CCDC178: variants seen among roughly 807,000 people sequenced by gnomAD.
CCDC178 encodes the protein coiled-coil domain containing 178.
In CCDC178, 126 loss-of-function variants were observed where a neutral mutation model predicts 117.4. The observed-to-expected ratio is 1.07, with a 90% CI of 0.93 to 1.24. The LOEUF is 1.24. Among genes scored for constraint, CCDC178 ranks in the 50% most tolerant of loss-of-function variants. CCDC178 has a pLI of 0.00. For missense variants in CCDC178, 1,030 were observed against 986.9 expected (o/e 1.04, Z -0.59); for synonymous variants, 283 against 313.4 (o/e 0.90, Z 1.02).
At chr18:33,223,984 A>G (rs2144628022) in intron 17 of CCDC178, among the ~76,000 whole-genome samples, 1 of 152,334 alleles carries the variant, frequency 6.6e-6, no homozygotes, top group East Asian at 1.9e-4. Flanking sequence ...CTTTGATACC[A>G]GTAAACTCCC....
chr18:33,016,823 A>G (rs9952603), intron 21 of CCDC178, among the ~76,000 whole-genome samples: 2,102 of 152,114 alleles, frequency 0.014, 55 homozygotes, highest in African/African-American at 0.047. Context: ...CTTAACATAG[A>G]GAATGAAGCA....
At chr18:33,200,155 A>C (rs1028261097) in intron 20 of CCDC178, among the ~76,000 whole-genome samples, 2 of 152,190 alleles carry the variant, frequency 1.3e-5, no homozygotes, top group Admixed American at 1.3e-4. Context: ...AACTTATTAC[A>C]TGTAATCAAT....
At chr18:33,017,564 A>G (rs2056017956) in intron 21 of CCDC178, among the ~76,000 whole-genome samples, 1 of 152,004 alleles carries the variant, frequency 6.6e-6, no homozygotes, top group Non-Finnish European at 1.5e-5. Flanking sequence ...GTCAAGTTAC[A>G]TAATTTGGGA....
intron 7 of CCDC178, among the ~76,000 whole-genome samples, chr18:33,350,282 AAT>A (rs1346012012): frequency 1.3e-5 from 2 of 152,070 alleles, no homozygotes; most frequent in Non-Finnish European, 2.9e-5. Context: ...CTATTTTTTT[AAT>A]TGAGCCAAAG....
chr18:32,991,481 C>T (rs1420671020), intron 21 of CCDC178, among the ~76,000 whole-genome samples: 1 of 152,128 alleles, frequency 6.6e-6, no homozygotes, highest in Non-Finnish European at 1.5e-5. Flanking sequence ...GAGGCGCAGA[C>T]TTAACAAGAG....
chr18:32,996,986 AAAAAT>A (rs1472733941), intron 21 of CCDC178, among the ~76,000 whole-genome samples: 2 of 152,194 alleles, frequency 1.3e-5, no homozygotes, highest in Non-Finnish European at 2.9e-5. Context: ...AATAACAAAG[AAAAAT>A]AAAATAAAAA....
At chr18:33,391,715 C>A (rs1165342515) in intron 4 of CCDC178, among the ~76,000 whole-genome samples, 1 of 151,974 alleles carries the variant, frequency 6.6e-6, no homozygotes, top group Non-Finnish European at 1.5e-5. Context: ...AAAAAGGAAA[C>A]ACTTTGTAAA....
At chr18:33,373,779 A>G (rs769555212) in intron 5 of CCDC178, among the ~76,000 whole-genome samples, 4 of 152,158 alleles carry the variant, frequency 2.6e-5, no homozygotes, top group Admixed American at 6.6e-5. Flanking sequence ...CAAATCCTCT[A>G]TCATTTTTTA....
chr18:33,398,918 G>T (rs953066493), intron 3 of CCDC178, among the ~76,000 whole-genome samples: 6 of 152,124 alleles, frequency 3.9e-5, no homozygotes, highest in African/African-American at 1.2e-4. Context: ...ACAATAAAAA[G>T]ATACTTTAAT....
At chr18:33,113,455 T>C (rs2057810552) in intron 20 of CCDC178, among the ~76,000 whole-genome samples, 1 of 151,948 alleles carries the variant, frequency 6.6e-6, no homozygotes, top group South Asian at 2.1e-4. Flanking sequence ...ATAAAATAAT[T>C]TCTGAGGACA....
chr18:33,040,008 G>GA (rs1213586480), intron 21 of CCDC178, among the ~76,000 whole-genome samples: 2 of 151,150 alleles, frequency 1.3e-5, no homozygotes, highest in South Asian at 2.1e-4. Flanking sequence ...ATTACCATAA[G>GA]AAAAAAAATA....
intron 2 of CCDC178, among the ~76,000 whole-genome samples, chr18:33,419,448 TAA>T (rs1373950220): frequency 2.0e-5 from 3 of 152,148 alleles, no homozygotes; most frequent in African/African-American, 7.2e-5. Context: ...CTAATTGAAC[TAA>T]AGAGATTCTG....
intron 21 of CCDC178, among the ~76,000 whole-genome samples, chr18:33,026,818 T>C (rs936291326): frequency 1.3e-5 from 2 of 151,778 alleles, no homozygotes; most frequent in Admixed American, 6.6e-5. Flanking sequence ...CTAAAGCCCA[T>C]AGTAACATCC....
intron 21 of CCDC178, among the ~76,000 whole-genome samples, chr18:33,072,667 T>C (rs1358021473): frequency 6.6e-6 from 1 of 152,220 alleles, no homozygotes; most frequent in Non-Finnish European, 1.5e-5. Flanking sequence ...TAAAATAATT[T>C]TAAATTTATA....
intron 20 of CCDC178, among the ~76,000 whole-genome samples, chr18:33,170,178 T>C (rs572595144): frequency 6.6e-6 from 1 of 152,226 alleles, no homozygotes; most frequent in East Asian, 1.9e-4. Flanking sequence ...GCTACTCTTG[T>C]AATCTAAGCA....
intron 21 of CCDC178, among the ~76,000 whole-genome samples, chr18:33,070,057 T>C (rs1240465449): frequency 6.6e-6 from 1 of 152,054 alleles, no homozygotes; most frequent in Non-Finnish European, 1.5e-5. Context: ...AAAAGGGAAC[T>C]CTTATACAAT....
chr18:32,978,432 A>G (rs2055072321), intron 21 of CCDC178, among the ~76,000 whole-genome samples: 1 of 152,130 alleles, frequency 6.6e-6, no homozygotes, highest in Non-Finnish European at 1.5e-5. Context: ...GATTGATTAT[A>G]TCAAATAGGT....
chr18:33,412,677 G>T (rs1220423577), intron 2 of CCDC178, among the ~76,000 whole-genome samples: 1 of 151,938 alleles, frequency 6.6e-6, no homozygotes, highest in Non-Finnish European at 1.5e-5. Context: ...TCATATTATT[G>T]TATCTGTAAA....
At chr18:33,108,965 G>A (rs1375833805) in intron 20 of CCDC178, among the ~76,000 whole-genome samples, 2 of 151,568 alleles carry the variant, frequency 1.3e-5, no homozygotes, top group African/African-American at 2.4e-5. Context: ...CTTCCTTCTT[G>A]TCGCTCCAGG....
Sources: gnomAD v4.1 joint callset for allele counts (sites outside exome capture counted in the v4.1 genomes callset) on GRCh38, gnomAD v4.1.1 for gene constraint, MANE v1.5 for transcripts, NCBI Gene and HGNC (gene_info 2026-07-23, HGNC 2026-07-21) for gene names.